Variants in IPMK observed in about 807,000 individuals in gnomAD.
The protein encoded by IPMK is inositol polyphosphate multikinase.
Under a neutral mutation model 45.8 loss-of-function variants are expected in IPMK, and 17 were observed. The observed-to-expected ratio is 0.37, with a 90% CI of 0.25 to 0.56. The LOEUF is 0.56. Ranked by LOEUF, IPMK falls within the 20% of genes least tolerant of loss-of-function variation. The probability of loss-of-function intolerance (pLI) is 0.79; values close to 1 mark genes in which losing one functional copy is unlikely to be tolerated. For synonymous variants in IPMK, 180 were observed against 184.3 expected, an observed-to-expected ratio of 0.98 and a Z score of 0.19; for missense variants, 399 against 498.0, an observed-to-expected ratio of 0.80 and a Z score of 1.89.
At chr10:58,205,412 G>A (rs1838056665) in intron 4 of IPMK, among the ~76,000 whole-genome samples, 1 of 152,056 alleles carries the variant, frequency 6.6e-6, no homozygotes, top group Non-Finnish European at 1.5e-5. Context: ...ATGAAAAGAT[G>A]CTCAACATCA....
intron 3 of IPMK, among the ~76,000 whole-genome samples, chr10:58,220,348 C>T (rs1365483492): frequency 6.6e-6 from 1 of 152,146 alleles, no homozygotes; most frequent in African/African-American, 2.4e-5. Flanking sequence ...ATAAGACACC[C>T]TCATATCCTT....
chr10:58,238,116 T>C (rs1838641445), intron 1 of IPMK, among the ~76,000 whole-genome samples: 1 of 152,206 alleles, frequency 6.6e-6, no homozygotes, highest in Non-Finnish European at 1.5e-5. Context: ...TCCTCAGTAA[T>C]AGGCTTTCTG....
At chr10:58,251,766 G>A (rs1042908644) in intron 1 of IPMK, among the ~76,000 whole-genome samples, 1 of 152,142 alleles carries the variant, frequency 6.6e-6, no homozygotes, top group African/African-American at 2.4e-5. Flanking sequence ...TAACACTGTT[G>A]ACAGTTTATT....
chr10:58,243,197 G>C (rs1230974272), intron 1 of IPMK, among the ~76,000 whole-genome samples: 2 of 152,130 alleles, frequency 1.3e-5, no homozygotes, highest in African/African-American at 4.8e-5. Context: ...TAGCTGAGAA[G>C]TGGAAGCAAC....
chr10:58,192,566 C>T lies in IPMK; in HGVS notation c.*3510G>A, dbSNP rs1305268788. On this transcript the variant is annotated 3_prime_UTR_variant, in exon 6 of 6. Coordinates refer to ENST00000373935, the MANE Select transcript of IPMK (RefSeq NM_152230.5). ...TATTTAGATGCCTATTTTTCTATAT[C>T]TCTATTTTAATTAAGTCCCCAATCC... 1 of 151,928 alleles carries T rather than the reference C, an allele frequency of 6.6e-6. No homozygotes were observed. The highest frequency in any genetic ancestry group is 2.4e-5 in the African/African-American group (1 of 41,406). The allele number at this position is 151,928 out of a possible 1,614,324, so 9.4% of individuals were successfully genotyped here. A position where few individuals can be genotyped will look rare whatever the true frequency, so the allele number is the denominator to read the frequency against.
At position 58,229,671 on chromosome 10, in the gene IPMK, C is replaced by A. The variant is rs114345090; in HGVS notation, c.277-2532G>T. On this transcript the variant is annotated intron_variant, in intron 2 of 5. Coordinates refer to ENST00000373935, the MANE Select transcript of IPMK (RefSeq NM_152230.5). Reference sequence around the variant, plus strand: ...TCAAATCACTGGTTAAAAATCTATCCTTCCCAGGAACAAATGAAAGAAAGA... The same window carrying A: ...TCAAATCACTGGTTAAAAATCTATCATTCCCAGGAACAAATGAAAGAAAGA... Among the ~76,000 whole-genome samples the A allele has an allele frequency of 4.5e-4, 68 of 151,628 alleles. 1 individual carries two copies. The highest frequency in any genetic ancestry group is 1.6e-3 in the African/African-American group (67 of 41,286).
intron 1 of IPMK, among the ~76,000 whole-genome samples, chr10:58,257,255 G>T (rs1418105029): frequency 6.6e-6 from 1 of 152,134 alleles, no homozygotes; most frequent in Non-Finnish European, 1.5e-5. Context: ...AGCACTTTGG[G>T]ACTCCAAGGC....
At position 58,267,591 on chromosome 10, in the gene IPMK, G is replaced by T. The variant is rs956076959; in HGVS notation, c.21C>A (p.Ser7=). MATEPP[S]PLRVEAPGPP... ...GGCCCGGCGCCTCGACCCGGAGGGG[G>T]GATGGTGGCTCTGTTGCCATAACGG... Residue 7 remains serine, a synonymous_variant, in exon 1 of 6, where the codon TCC becomes TCA. Coordinates refer to ENST00000373935, the MANE Select transcript of IPMK (RefSeq NM_152230.5). 5.6e-6 allele frequency: 9 copies of T among 1,602,788 alleles called. No individual in the cohort carries two copies. The Admixed American group carries it at 1.5e-4, about 27-fold the overall frequency.
intron 3 of IPMK, among the ~76,000 whole-genome samples, chr10:58,225,686 T>A (rs1838403379): frequency 6.6e-6 from 1 of 152,182 alleles, no homozygotes; most frequent in Non-Finnish European, 1.5e-5. Context: ...TTCATTAATT[T>A]TTCAGCGTCA....
chr10:58,237,377 T>A (rs547962060), intron 2 of IPMK, among the ~76,000 whole-genome samples: 1 of 152,348 alleles, frequency 6.6e-6, no homozygotes. Context: ...CTCTTGCAGG[T>A]TGCCATAAGC....
intron 1 of IPMK, among the ~76,000 whole-genome samples, chr10:58,263,538 A>G (rs1258173201): frequency 6.7e-6 from 1 of 148,906 alleles, no homozygotes; most frequent in Non-Finnish European, 1.5e-5. Context: ...AAAAAAAATT[A>G]GCCTGGCCTA....
At chr10:58,265,470 T>C (rs1186522537) in intron 1 of IPMK, among the ~76,000 whole-genome samples, 1 of 152,166 alleles carries the variant, frequency 6.6e-6, no homozygotes, top group African/African-American at 2.4e-5. Flanking sequence ...AACTTTGAAT[T>C]AGTGACCATC....
rs1381941333 is a variant in IPMK, at chr10:58,192,715, T to A, written c.*3361A>T. On this transcript the variant is annotated 3_prime_UTR_variant, in exon 6 of 6. Transcript: ENST00000373935. ...ATCCAAGGAATATTTTTGAATGAAC[T>A]AAGAAGCCTGGCCTCCAAAGGCAAC... The A allele has an allele frequency of 1.3e-5, 2 of 151,986 alleles. No individual in the cohort carries two copies. The highest frequency in any genetic ancestry group is 2.9e-5 in the Non-Finnish European group (2 of 67,896). The allele number at this position is 151,986 out of a possible 1,614,324, so 9.4% of individuals were successfully genotyped here.
At chr10:58,247,484 G>C (rs919617617) in intron 1 of IPMK, among the ~76,000 whole-genome samples, 10 of 151,688 alleles carry the variant, frequency 6.6e-5, no homozygotes, top group African/African-American at 1.9e-4. Flanking sequence ...CATAAAAAAT[G>C]ATGAGTTCAT....
chr10:58,217,156 CTTTTT>C (rs58314639), intron 3 of IPMK, among the ~76,000 whole-genome samples: 5 of 102,932 alleles, frequency 4.9e-5, no homozygotes, highest in Non-Finnish European at 9.4e-5. Flanking sequence ...GCCCATCTTG[CTTTTT>C]TTTTTTTTTT....
intron 3 of IPMK, among the ~76,000 whole-genome samples, chr10:58,224,645 G>A (rs1838386840): frequency 6.6e-6 from 1 of 152,090 alleles, no homozygotes. Context: ...ATTATTATAT[G>A]ATAATTTGTT....
intron 1 of IPMK, among the ~76,000 whole-genome samples, chr10:58,248,184 ATAT>A (rs1367948172): frequency 1.3e-5 from 2 of 152,066 alleles, no homozygotes; most frequent in African/African-American, 4.8e-5. Flanking sequence ...ATAATAAAGT[ATAT>A]TATTATACTT....
chr10:58,244,506 G>A (rs1170302733), intron 1 of IPMK, among the ~76,000 whole-genome samples: 16 of 152,242 alleles, frequency 1.1e-4, no homozygotes, highest in East Asian at 7.7e-4. Flanking sequence ...CTGCCAGGCC[G>A]TCCCGTCTGG....
chr10:58,213,987 A>ATTT (rs1838206641), intron 4 of IPMK, among the ~76,000 whole-genome samples: 4 of 152,246 alleles, frequency 2.6e-5, no homozygotes, highest in Non-Finnish European at 5.9e-5. Flanking sequence ...AGAAATAACG[A>ATTT]GTTTGGTTGT....
Sources: gnomAD v4.1 joint callset for allele counts (sites outside exome capture counted in the v4.1 genomes callset) on GRCh38, gnomAD v4.1.1 for gene constraint, MANE v1.5 for transcripts, NCBI Gene and HGNC (gene_info 2026-07-23, HGNC 2026-07-21) for gene names.